The following FAM149A variants were observed in gnomAD, a reference collection of about 807,000 sequenced individuals.
The protein encoded by FAM149A is family with sequence similarity 149 member A.
A neutral mutation model predicts 78.2 loss-of-function variants in FAM149A; 71 were observed. The observed-to-expected ratio is 0.91, with a 90% CI of 0.75 to 1.11. FAM149A has a LOEUF of 1.11. Among genes scored for constraint, FAM149A ranks in the 50% least tolerant of loss-of-function variants. FAM149A has a pLI of 0.00. For missense variants in FAM149A, 1,036 were observed against 971.0 expected, an observed-to-expected ratio of 1.07 and a Z score of -0.89; for synonymous variants, 446 against 410.5, an observed-to-expected ratio of 1.09 and a Z score of -1.04.
intron 1 of FAM149A, chr4:186,116,416 C>T (rs2099313722): frequency 2.0e-6 from 2 of 979,756 alleles, no homozygotes; most frequent in Non-Finnish European, 2.4e-6. Context: ...CTTGGCTCCT[C>T]CCTCATGACC....
intron 1 of FAM149A, chr4:186,130,026 C>T (rs1201554402): frequency 6.6e-6 from 1 of 152,068 alleles, no homozygotes; most frequent in African/African-American, 2.4e-5. Context: ...TAAAGATGCA[C>T]CCATTTGACT....
chr4:186,163,919 T>G (rs982584151), intron 10 of FAM149A, among the ~76,000 whole-genome samples: 1 of 152,174 alleles, frequency 6.6e-6, no homozygotes, highest in African/African-American at 2.4e-5. Context: ...AACAAATAAT[T>G]AGCTAATGCC....
chr4:186,146,136 T>C (rs532928074), intron 1 of FAM149A, among the ~76,000 whole-genome samples: 1 of 152,348 alleles, frequency 6.6e-6, no homozygotes, highest in Admixed American at 6.5e-5. Flanking sequence ...ATCTTCTTTG[T>C]GCTCTTGGGC....
At chr4:186,155,082 CCT>C (rs1733941618) in intron 6 of FAM149A, 1 of 276,430 alleles carries the variant, frequency 3.6e-6, no homozygotes, top group Non-Finnish European at 5.5e-6. Flanking sequence ...CCTCCCTCAG[CCT>C]CCCGAGTAGC....
intron 1 of FAM149A, among the ~76,000 whole-genome samples, chr4:186,136,100 G>A (rs747913547): frequency 3.1e-4 from 47 of 152,304 alleles, no homozygotes; most frequent in Non-Finnish European, 4.3e-4. Flanking sequence ...CAATTACTAC[G>A]AAGTCTTTGT....
At chr4:186,153,027 T>G (rs916099205) in intron 4 of FAM149A, among the ~76,000 whole-genome samples, 2 of 152,036 alleles carry the variant, frequency 1.3e-5, no homozygotes, top group African/African-American at 2.4e-5. Context: ...TAGGGTTGTT[T>G]TTTTTTTTCT....
chr4:186,127,106 C>A, intron 1 of FAM149A: 1 of 985,360 alleles, frequency 1.0e-6, no homozygotes, highest in Non-Finnish European at 1.2e-6. Context: ...GCCCTGCCTT[C>A]CTGCCAGGCA....
intron 1 of FAM149A, among the ~76,000 whole-genome samples, chr4:186,133,900 C>G (rs1400961828): frequency 1.3e-5 from 2 of 152,168 alleles, no homozygotes; most frequent in Non-Finnish European, 2.9e-5. Context: ...AAGTGATCAG[C>G]CCACCTCAGC....
rs555427925 is a variant in FAM149A at position 186,145,084 on chromosome 4, A to G, written c.567-4089A>G. On this transcript the variant is annotated intron_variant, in intron 1 of 13. Transcript: ENST00000389354. Reference sequence around the variant, plus strand: ...CGCGGAGCCTGGCGCGGGGGCTGCGAGCACAGGCCCGGGGCTGATCGTAAT... The same window carrying G: ...CGCGGAGCCTGGCGCGGGGGCTGCGGGCACAGGCCCGGGGCTGATCGTAAT... The G allele has an allele frequency of 3.0e-6, 3 of 985,106 alleles. No homozygotes were observed. In the African/African-American group the frequency reaches 5.3e-5, roughly 17 times the overall value. The allele number at this position is 985,106 out of a possible 1,614,324, so 61.0% of individuals were successfully genotyped here. A position where few individuals can be genotyped will look rare whatever the true frequency, so the allele number is the denominator to read the frequency against.
chr4:186,146,377 C>T (rs1372685412), intron 1 of FAM149A: 2 of 737,418 alleles, frequency 2.7e-6, no homozygotes, highest in African/African-American at 1.9e-5. Context: ...TCCCATTTCC[C>T]CCTGCCCTGC....
chr4:186,151,661 C>T (rs2126469517), intron 3 of FAM149A: 1 of 934,936 alleles, frequency 1.1e-6, no homozygotes, highest in East Asian at 1.2e-4. Context: ...AGTCTCATAA[C>T]TTCCGTGGCA....
At position 186,166,087 on chromosome 4, in the gene FAM149A, G is replaced by T. The variant is rs542156425; in HGVS notation, c.2010+623G>T. ...CGGCCAGGCAGTCAGGTCTGCGGGG[G>T]GTGTGCTGTGGCCAGCATGCATATC... On this transcript the variant is annotated intron_variant, in intron 11 of 13. Coordinates refer to ENST00000389354, the MANE Select transcript of FAM149A (RefSeq NM_001367768.3). Among the ~76,000 whole-genome samples, 20 of 152,280 alleles carry T rather than the reference G, an allele frequency of 1.3e-4. No individual in the cohort carries two copies. In the East Asian group the frequency reaches 3.9e-3, roughly 29 times the overall value.
chr4:186,150,701 G>C (rs535461650), intron 3 of FAM149A, among the ~76,000 whole-genome samples: 1 of 140,766 alleles, frequency 7.1e-6, no homozygotes, highest in East Asian at 2.1e-4. Context: ...TTACAGGCGT[G>C]AGCCACCGCG....
intron 9 of FAM149A, 123 bp from the exon 10 acceptor site, chr4:186,163,301 C>G (rs1025027400): frequency 7.1e-6 from 5 of 702,454 alleles, no homozygotes; most frequent in South Asian, 3.5e-5. Flanking sequence ...TCATTCAACC[C>G]GTGCTTAGGA....
In FAM149A at chr4:186,144,467, C is replaced by G. The variant is rs1488448227; in HGVS notation, c.567-4706C>G. 6.6e-6 allele frequency: 1 copy of G among 152,394 alleles called. No homozygotes were observed. The highest frequency in any genetic ancestry group is 1.5e-5 in the Non-Finnish European group (1 of 68,194). 9.4% of individuals were successfully genotyped at this position (152,394 alleles called of 1,614,324 possible). ...TTTTTTAAACCTCATTCGTCCACTC[C>G]CCACCCCAGCCTGGTGTGCGCACCC... On this transcript the variant is annotated intron_variant, in intron 1 of 13. Coordinates refer to ENST00000389354, the MANE Select transcript of FAM149A (RefSeq NM_001367768.3). The surrounding 1 kb of genome is among the most constrained non-coding windows in gnomAD (Gnocchi z 4.2).
intron 1 of FAM149A, among the ~76,000 whole-genome samples, chr4:186,105,941 T>A (rs926600468): frequency 2.0e-5 from 3 of 152,194 alleles, no homozygotes; most frequent in African/African-American, 4.8e-5. Flanking sequence ...TTAGAGTGTT[T>A]GTTTGGTTTT....
Position 186,163,692 on chromosome 4 carries a change from G to A in FAM149A, c.1889+59G>A, listed in dbSNP as rs151241006. ...CCACGGAGGACCTAGATGCTTCTCA[G>A]TTAGGGTTTATGGATCATCCTGGAC... On this transcript the variant is annotated intron_variant, in intron 10 of 13. Transcript: ENST00000389354. 2.8e-4 allele frequency: 364 copies of A among 1,280,742 alleles called. 4 individuals carry two copies. The African/African-American group carries it at 4.0e-3, about 14-fold the overall frequency. 79.3% of individuals were successfully genotyped at this position (1,280,742 alleles called of 1,614,324 possible). A position where few individuals can be genotyped will look rare whatever the true frequency, so the allele number is the denominator to read the frequency against.
At chr4:186,159,641 A>G (rs1734351546) in intron 8 of FAM149A, among the ~76,000 whole-genome samples, 1 of 152,178 alleles carries the variant, frequency 6.6e-6, no homozygotes. Flanking sequence ...TGAGGATAAA[A>G]TCATAGAAAT....
Position 186,127,291 on chromosome 4 carries a change from A to G in FAM149A, c.566+21649A>G, listed in dbSNP as rs536870194. On this transcript the variant is annotated intron_variant, in intron 1 of 13. Coordinates refer to ENST00000389354, the MANE Select transcript of FAM149A (RefSeq NM_001367768.3). ...TCGGTTTCTTCCGGAGAGTTAGTCTACCAGCACACTGCTGCTAGGAAGTAT... is the reference window on the plus strand; with the variant it reads ...TCGGTTTCTTCCGGAGAGTTAGTCTGCCAGCACACTGCTGCTAGGAAGTAT... The G allele has an allele frequency of 2.8e-5, 28 of 983,200 alleles. No individual in the cohort carries two copies. The Admixed American group carries it at 1.5e-3, about 54-fold the overall frequency. 60.9% of individuals were successfully genotyped at this position (983,200 alleles called of 1,614,324 possible). A position where few individuals can be genotyped will look rare whatever the true frequency, so the allele number is the denominator to read the frequency against.
Sources: gnomAD v4.1 joint callset for allele counts (sites outside exome capture counted in the v4.1 genomes callset) on GRCh38, gnomAD v4.1.1 for gene constraint, Gnocchi (gnomAD v3.1) non-coding constraint, MANE v1.5 for transcripts, NCBI Gene and HGNC (gene_info 2026-07-23, HGNC 2026-07-21) for gene names.